Variants in ATXN8OS observed in about 807,000 individuals in gnomAD.
ATXN8OS encodes ATXN8 opposite strand (non-protein coding).
chr13:70,162,638 T>A (rs893347788), intron 4 of ATXN8OS, among the ~76,000 whole-genome samples: 6 of 152,044 alleles, frequency 3.9e-5, no homozygotes, highest in Non-Finnish European at 8.8e-5. Flanking sequence ...AAATTTGATT[T>A]GATATAAGAA....
At chr13:70,124,503 A>T (rs375165516) in intron 2 of ATXN8OS, among the ~76,000 whole-genome samples, 1 of 152,236 alleles carries the variant, frequency 6.6e-6, no homozygotes, top group East Asian at 1.9e-4. Context: ...ACGGGAGTTT[A>T]GCAGTTACCA....
chr13:70,162,976 A>G (rs896235187), intron 4 of ATXN8OS, among the ~76,000 whole-genome samples: 6 of 152,066 alleles, frequency 3.9e-5, no homozygotes, highest in Non-Finnish European at 1.5e-5. Flanking sequence ...GATGTTGGCC[A>G]CAGGCCTTCA....
intron 4 of ATXN8OS, among the ~76,000 whole-genome samples, chr13:70,163,423 T>C (rs903048406): frequency 2.0e-4 from 30 of 152,088 alleles, no homozygotes; most frequent in African/African-American, 7.0e-4. Context: ...CCCATGAGAC[T>C]GTCACCATGT....
intron 1 of ATXN8OS, among the ~76,000 whole-genome samples, chr13:70,109,467 G>T (rs1888162883): frequency 6.6e-6 from 1 of 152,168 alleles, no homozygotes; most frequent in African/African-American, 2.4e-5. Context: ...CTACTGCTCA[G>T]TTACCCCCAA....
intron 2 of ATXN8OS, among the ~76,000 whole-genome samples, chr13:70,128,546 T>TAAAAA (rs5804478): frequency 2.1e-5 from 3 of 146,242 alleles, no homozygotes; most frequent in Non-Finnish European, 4.5e-5. Flanking sequence ...GCTTAAAAAT[T>TAAAAA]AAAAAAAAAA....
chr13:70,156,468 G>A (rs1459582524), intron 4 of ATXN8OS, among the ~76,000 whole-genome samples: 4 of 151,808 alleles, frequency 2.6e-5, no homozygotes, highest in Non-Finnish European at 5.9e-5. Context: ...AAAACTATAA[G>A]AAATAATATT....
chr13:70,119,177 A>C (rs1356032419), intron 2 of ATXN8OS, among the ~76,000 whole-genome samples: 1 of 152,094 alleles, frequency 6.6e-6, no homozygotes, highest in African/African-American at 2.4e-5. Context: ...TAATATACAT[A>C]CAGCTTATGC....
intron 3 of ATXN8OS, among the ~76,000 whole-genome samples, chr13:70,143,026 T>C (rs1888738076): frequency 6.7e-6 from 1 of 150,372 alleles, no homozygotes; most frequent in Admixed American, 6.6e-5. Context: ...TGAGCCGAGA[T>C]CGCGCCATTG....
At chr13:70,167,322 A>G (rs1027590405) in intron 4 of ATXN8OS, among the ~76,000 whole-genome samples, 3 of 152,140 alleles carry the variant, frequency 2.0e-5, no homozygotes, top group African/African-American at 7.2e-5. Flanking sequence ...ATGGAATACT[A>G]TGCAGCCATA....
intron 2 of ATXN8OS, among the ~76,000 whole-genome samples, chr13:70,116,148 G>T (rs979014196): frequency 2.0e-4 from 21 of 104,054 alleles, no homozygotes; most frequent in Non-Finnish European, 3.4e-4. Flanking sequence ...GGTGATGGGG[G>T]TGTATCAGTT....
chr13:70,125,165 T>C (rs1888413361), intron 2 of ATXN8OS, among the ~76,000 whole-genome samples: 1 of 152,158 alleles, frequency 6.6e-6, no homozygotes, highest in Admixed American at 6.5e-5. Context: ...CTGTAACTCA[T>C]TATCTTTGTA....
At chr13:70,146,419 T>C (rs987829748) in intron 3 of ATXN8OS, among the ~76,000 whole-genome samples, 26 of 152,012 alleles carry the variant, frequency 1.7e-4, no homozygotes, top group African/African-American at 5.8e-4. Context: ...ACTGGGTATA[T>C]ACCCAAAGGG....
At position 70,109,066 on chromosome 13, in the gene ATXN8OS, A is replaced by C. The variant is rs139580435; in HGVS notation, n.240+1047A>C. On this transcript the variant is annotated intron_variant and non_coding_transcript_variant, in intron 1 of 4. Coordinates refer to ENST00000678624, the Ensembl canonical transcript of ATXN8OS. ...CAGTGTAAATCAAGAATGGAATAAA[A>C]TGATAAAAGAGAATTTCAAGGTATA... 2.1e-3 allele frequency among the ~76,000 whole-genome samples: 326 copies of C among 152,390 alleles called. 1 individual carries two copies. Among genetic ancestry groups the C allele is most frequent in the African/African-American group, 7.4e-3 (307 of 41,590 alleles).
At chr13:70,138,694 G>A (rs1278327206) in intron 3 of ATXN8OS, among the ~76,000 whole-genome samples, 1 of 151,722 alleles carries the variant, frequency 6.6e-6, no homozygotes, top group Non-Finnish European at 1.5e-5. Context: ...AGAGAGGAAG[G>A]GAACATAACT....
exon 5 of ATXN8OS, among the ~76,000 whole-genome samples, chr13:70,170,297 T>A (rs181461348): frequency 2.0e-4 from 30 of 152,236 alleles, no homozygotes; most frequent in Non-Finnish European, 3.7e-4. Flanking sequence ...GTAACCTAAG[T>A]GTCTTCAAAA....
chr13:70,147,527 C>T (rs1385124027), intron 4 of ATXN8OS, among the ~76,000 whole-genome samples: 1 of 152,048 alleles, frequency 6.6e-6, no homozygotes, highest in Non-Finnish European at 1.5e-5. Context: ...CGAAATTGAG[C>T]CCGCTGACAT....
At chr13:70,139,172 T>G (rs1888660265) in intron 3 of ATXN8OS, 1 of 411,468 alleles carries the variant, frequency 2.4e-6, no homozygotes, top group Admixed American at 4.2e-5. Flanking sequence ...TTCTAGTTTT[T>G]ACTTCTGAGA....
At chr13:70,161,227 A>G (rs748007023) in intron 4 of ATXN8OS, among the ~76,000 whole-genome samples, 12 of 152,114 alleles carry the variant, frequency 7.9e-5, no homozygotes, top group Non-Finnish European at 1.0e-4. Flanking sequence ...AGCATCATTT[A>G]AAGTAGTATA....
intron 3 of ATXN8OS, among the ~76,000 whole-genome samples, chr13:70,134,575 C>G (rs1232280866): frequency 1.3e-5 from 2 of 152,164 alleles, no homozygotes; most frequent in African/African-American, 2.4e-5. Flanking sequence ...AGCCAGCCGA[C>G]AGGAAGAGAA....
Sources: allele counts gnomAD v4.1 joint callset (sites outside exome capture counted in the v4.1 genomes callset), GRCh38; gene constraint gnomAD v4.1.1; transcripts MANE v1.5; gene names NCBI Gene and HGNC (gene_info 2026-07-23, HGNC 2026-07-21).